Variants in WDCP observed in about 807,000 individuals in gnomAD.
WDCP encodes the protein WD repeat and coiled coil containing, also known as WD repeat and coiled-coil-containing protein.
In WDCP, 19 loss-of-function variants were observed where a neutral mutation model predicts 41.6. The observed-to-expected ratio is 0.46, with a 90% CI of 0.32 to 0.67. WDCP has a LOEUF of 0.67. Ranked by LOEUF, WDCP falls within the 30% of genes least tolerant of loss-of-function variation. WDCP has a pLI of 0.04. For missense variants in WDCP, 802 were observed against 850.7 expected (o/e 0.94, Z 0.71); for synonymous variants, 302 against 320.8 (o/e 0.94, Z 0.63).
At chr2:24,035,753 GTTAAAAAAAAATTTTTTTTAA>G (rs1178554546) in intron 2 of WDCP, among the ~76,000 whole-genome samples, 100 of 151,592 alleles carry the variant, frequency 6.6e-4, no homozygotes, top group South Asian at 2.1e-3. Flanking sequence ...TGTCTCTATA[GTTAAAAAAAAATTTTTTTTAA>G]TTAAAAAAAA....
At position 24,038,778 on chromosome 2, in the gene WDCP, G is replaced by A. The variant is rs1163720897; in HGVS notation, c.717C>T (p.Ile239=). The A allele has an allele frequency of 1.2e-6, 2 of 1,614,174 alleles. No homozygotes were observed. Among genetic ancestry groups the A allele is most frequent in the Non-Finnish European group, 1.7e-6 (2 of 1,180,038 alleles). ...GAGTCATGTCTTTACTGTTAGGTGG[G>A]ATATTAAAGGTTTCAGATGCATTTA... ...CGLNASETFN[I]PPNSKDMTPY... Residue 239 remains isoleucine (I), a synonymous_variant, in exon 2 of 4, where the codon ATC becomes ATT. Transcript: ENST00000295148.
Position 24,031,175 on chromosome 2 carries a change from A to G in WDCP, c.1937-13T>C, listed in dbSNP as rs1156652020. Reference sequence around the variant, plus strand: ...ATCCAGTGGGAATCTGCAAATAAAAATAAATACACAGGCAATTTAGTATAT... The same window carrying G: ...ATCCAGTGGGAATCTGCAAATAAAAGTAAATACACAGGCAATTTAGTATAT... On this transcript the variant is annotated splice_polypyrimidine_tract_variant and intron_variant, in intron 3 of 3. Transcript: ENST00000295148. The G allele has an allele frequency of 6.3e-7, 1 of 1,579,516 alleles. No individual in the cohort carries two copies. Among genetic ancestry groups the G allele is most frequent in the Non-Finnish European group, 8.7e-7 (1 of 1,150,644 alleles).
chr2:24,032,283 G>A (rs1663118344), intron 3 of WDCP, among the ~76,000 whole-genome samples: 3 of 152,178 alleles, frequency 2.0e-5, no homozygotes, highest in Non-Finnish European at 4.4e-5. Context: ...TTGGGAGGCC[G>A]AGGCAGGCGG....
rs1663071908 is a variant in WDCP at position 24,030,539 on chromosome 2, A to T, written c.*394T>A. On this transcript the variant is annotated 3_prime_UTR_variant, in exon 4 of 4. Coordinates refer to ENST00000295148, the MANE Select transcript of WDCP (RefSeq NM_025203.3). Reference sequence around the variant, plus strand: ...CCTCAACCTCCTCTTGAAGCCAAGAAAAAGACCTATAACAATGCCAAGGTA... The same window carrying T: ...CCTCAACCTCCTCTTGAAGCCAAGATAAAGACCTATAACAATGCCAAGGTA... 6.2e-6 allele frequency: 1 copy of T among 161,018 alleles called. No homozygotes were observed. The highest frequency in any genetic ancestry group is 1.9e-4 in the South Asian group (1 of 5,348). 10.0% of individuals were successfully genotyped at this position (161,018 alleles called of 1,614,324 possible).
At chr2:24,042,490 C>T (rs1277801571) in intron 1 of WDCP, among the ~76,000 whole-genome samples, 11 of 146,984 alleles carry the variant, frequency 7.5e-5, no homozygotes, top group Admixed American at 4.2e-4. Context: ...GAATCGAGAT[C>T]GCACCACTGC....
At position 24,037,838 on chromosome 2, in the gene WDCP, C is replaced by T; in HGVS notation, c.1657G>A (p.Glu553Lys). The T allele has an allele frequency of 6.2e-7, 1 of 1,614,186 alleles. No homozygotes were observed. Among genetic ancestry groups the T allele is most frequent in the South Asian group, 1.1e-5 (1 of 91,084 alleles). The change falls in exon 2 of 4, where the codon GAA (glutamate) becomes AAA (lysine). Residue 553 changes from glutamate to lysine, a missense_variant. By Grantham distance (56) the Glu-to-Lys change is moderately conservative (BLOSUM62 1). Coordinates refer to ENST00000295148, the MANE Select transcript of WDCP (RefSeq NM_025203.3). Reference protein sequence around the residue: ...PQRKNLQSEKETYQLSKEVEI... With the variant: ...PQRKNLQSEKKTYQLSKEVEI... ...ACTTCCTTAGACAGCTGATAAGTTTCCTTTTCACTTTGTAAGTTCTTTCTT... is the reference window on the plus strand; with the variant it reads ...ACTTCCTTAGACAGCTGATAAGTTTTCTTTTCACTTTGTAAGTTCTTTCTT...
chr2:24,043,470 C>A (rs1442705957), intron 1 of WDCP, among the ~76,000 whole-genome samples: 1 of 151,484 alleles, frequency 6.6e-6, no homozygotes, highest in Non-Finnish European at 1.5e-5. Context: ...CTGGACAACA[C>A]AGCAAGATAC....
At chr2:24,031,678 T>A (rs984471491) in intron 3 of WDCP, among the ~76,000 whole-genome samples, 10 of 152,000 alleles carry the variant, frequency 6.6e-5, no homozygotes, top group Admixed American at 6.6e-5. Flanking sequence ...TACAAAATAT[T>A]AGCCAGGCGT....
intron 1 of WDCP, among the ~76,000 whole-genome samples, chr2:24,043,098 C>A (rs1663503707): frequency 6.6e-6 from 1 of 151,792 alleles, no homozygotes; most frequent in Admixed American, 6.6e-5. Flanking sequence ...CTTTGGCAGG[C>A]CAAGGCGGGT....
In WDCP at chr2:24,037,832, A is replaced by T; in HGVS notation, c.1663T>A (p.Tyr555Asn). 6.2e-7 allele frequency: 1 copy of T among 1,614,174 alleles called. No individual in the cohort carries two copies. The highest frequency in any genetic ancestry group is 8.5e-7 in the Non-Finnish European group (1 of 1,180,024). ...RKNLQSEKET[Y>N]QLSKEVEILS... ...ATTTCCACTTCCTTAGACAGCTGAT[A>T]AGTTTCCTTTTCACTTTGTAAGTTC... The change falls in exon 2 of 4, where the codon TAT becomes AAT. Residue 555 changes from tyrosine (Y) to asparagine (N), a missense_variant. By Grantham distance (143) the Tyr-to-Asn change is moderately radical. Transcript: ENST00000295148.
chr2:24,038,382 T>C lies in WDCP; in HGVS notation c.1113A>G (p.Pro371=). Reference sequence around the variant, plus strand: ...TTTGCTGGATGTTTGGGACTGAAGATGGAATGACAGAGTAGATCAAAATTA... The same window carrying C: ...TTTGCTGGATGTTTGGGACTGAAGACGGAATGACAGAGTAGATCAAAATTA... ...CNIILIYSVI[P]SSVPNIQQIR... The change falls in exon 2 of 4, where the codon CCA becomes CCG. Residue 371 remains proline, a synonymous_variant. Coordinates refer to ENST00000295148, the MANE Select transcript of WDCP (RefSeq NM_025203.3). 6 of 1,614,218 alleles carry C rather than the reference T, an allele frequency of 3.7e-6. No individual in the cohort carries two copies. Among genetic ancestry groups the C allele is most frequent in the Admixed American group, 1.7e-5 (1 of 60,014 alleles).
Position 24,038,438 on chromosome 2 carries a change from C to A in WDCP, c.1057G>T (p.Val353Leu). 6.2e-7 allele frequency: 1 copy of A among 1,614,114 alleles called. No homozygotes were observed. Among genetic ancestry groups the A allele is most frequent in the Non-Finnish European group, 8.5e-7 (1 of 1,179,996 alleles). Residue 353 changes from valine to leucine, a missense_variant, in exon 2 of 4, where the codon GTA (valine) becomes TTA (leucine). Physicochemically the swap from Val to Leu is conservative, Grantham distance 32. Around this residue, in one of 5 missense-constraint regions of WDCP, gnomAD observed 247 missense variants for 240.5 expected, o/e 1.03. Coordinates refer to ENST00000295148, the MANE Select transcript of WDCP (RefSeq NM_025203.3). ...CAAGTGTTGGAAGCCACTGCCACTA[C>A]GTGGGCTTTAAGATTAAATGCTATC... The part of the protein sequence containing the change: ...DLIAFNLKAH[V>L]VAVASNTCNI...
chr2:24,037,945 G>C lies in WDCP; in HGVS notation c.1550C>G (p.Pro517Arg). ...CDGSIALDAE[P>R]VTQPASLPRH... Reference sequence around the variant, plus strand: ...GGGCAGCGATGCTGGCTGGGTAACAGGCTCAGCATCTAGAGCTATGGAGCC... The same window carrying C: ...GGGCAGCGATGCTGGCTGGGTAACACGCTCAGCATCTAGAGCTATGGAGCC... The change falls in exon 2 of 4, where the codon CCT becomes CGT. Residue 517 changes from proline (P) to arginine (R), a missense_variant. Physicochemically the swap from Pro to Arg is moderately radical, Grantham distance 103 (BLOSUM62 -2). This residue lies in a region of WDCP where 321 missense variants were observed against 305.1 expected (regional missense o/e 1.05). Coordinates refer to ENST00000295148, the MANE Select transcript of WDCP (RefSeq NM_025203.3). The C allele has an allele frequency of 6.2e-7, 1 of 1,614,168 alleles. No individual in the cohort carries two copies. Among genetic ancestry groups the C allele is most frequent in the East Asian group, 2.2e-5 (1 of 44,880 alleles).
intron 1 of WDCP, among the ~76,000 whole-genome samples, chr2:24,044,282 G>T (rs527258117): frequency 2.0e-5 from 3 of 151,616 alleles, no homozygotes; most frequent in Non-Finnish European, 2.9e-5. Context: ...TTTTGGGGGG[G>T]GCGTGGGGGC....
rs149037014 is a variant in WDCP at position 24,038,843 on chromosome 2, C to A, written c.652G>T (p.Ala218Ser). Residue 218 changes from alanine to serine, a missense_variant, in exon 2 of 4, where the codon GCT becomes TCT. Coordinates refer to ENST00000295148, the MANE Select transcript of WDCP (RefSeq NM_025203.3). Reference sequence around the variant, plus strand: ...TCCAATGGAAGCTCAGTAGCTATAGCAACCTGTGAGTCCACAGTTGCTGTG... The same window carrying A: ...TCCAATGGAAGCTCAGTAGCTATAGAAACCTGTGAGTCCACAGTTGCTGTG... ...SITATVDSQVAIATELPLDKI... is the reference protein window; with the variant it reads ...SITATVDSQVSIATELPLDKI... 1 of 1,614,098 alleles carries A rather than the reference C, an allele frequency of 6.2e-7. No homozygotes were observed. The highest frequency in any genetic ancestry group is 1.3e-5 in the African/African-American group (1 of 74,938).
chr2:24,043,475 A>G (rs942402577), intron 1 of WDCP, among the ~76,000 whole-genome samples: 1 of 150,720 alleles, frequency 6.6e-6, no homozygotes, highest in East Asian at 1.9e-4. Flanking sequence ...CAACACAGCA[A>G]GATACTGTCT....
rs375594658 is a variant in WDCP, at chr2:24,039,022, C to G, written c.473G>C (p.Arg158Pro). 2 of 1,614,068 alleles carry G rather than the reference C, an allele frequency of 1.2e-6. No individual in the cohort carries two copies. The highest frequency in any genetic ancestry group is 1.7e-6 in the Non-Finnish European group (2 of 1,180,032). Reference sequence around the variant, plus strand: ...CTGGGTCCAACATGCACAGTGAATGCGGCCCTGGGTGTTGATGTCTGCCTT... The same window carrying G: ...CTGGGTCCAACATGCACAGTGAATGGGGCCCTGGGTGTTGATGTCTGCCTT... ...QVKADINTQG[R>P]IHCACWTQDG... is the part of the protein sequence containing the mutation. The change falls in exon 2 of 4, where the codon CGC becomes CCC. Residue 158 changes from arginine (R) to proline (P), a missense_variant. Around this residue, in one of 5 missense-constraint regions of WDCP, gnomAD observed 214 missense variants for 252.9 expected, o/e 0.85. Transcript: ENST00000295148.
At chr2:24,035,723 T>C (rs1663224213) in intron 2 of WDCP, among the ~76,000 whole-genome samples, 1 of 151,360 alleles carries the variant, frequency 6.6e-6, no homozygotes, top group East Asian at 1.9e-4. Context: ...CAAACAAGCC[T>C]GGGCAACATA....
chr2:24,040,959 T>C (rs1209724313), intron 1 of WDCP, among the ~76,000 whole-genome samples: 1 of 151,984 alleles, frequency 6.6e-6, no homozygotes, highest in Admixed American at 6.6e-5. Context: ...GAGGCTACAG[T>C]GAGCTGAGAT....
Sources: allele counts gnomAD v4.1 joint callset (sites outside exome capture counted in the v4.1 genomes callset), GRCh38; gene constraint gnomAD v4.1.1; regional missense constraint gnomAD v4.1.1; transcripts MANE v1.5; gene names NCBI Gene and HGNC (gene_info 2026-07-23, HGNC 2026-07-21).